The following ROBO1 variants were observed in gnomAD, a reference collection of about 807,000 sequenced individuals.
The protein encoded by ROBO1 is roundabout homolog 1.
Under a neutral mutation model 195.9 loss-of-function variants are expected in ROBO1, and 149 were observed. The ratio of observed to expected loss-of-function variants is 0.76; its 90% CI spans 0.67 to 0.87. The LOEUF (loss-of-function observed/expected upper bound fraction) is 0.87, where lower values mean the gene tolerates loss of function less well. Among genes scored for constraint, ROBO1 ranks in the 40% least tolerant of loss-of-function variants. ROBO1 has a pLI of 0.00. For synonymous variants in ROBO1, 816 were observed against 733.2 expected (o/e 1.11, Z -1.82); for missense variants, 1,933 against 2,068.3 (o/e 0.93, Z 1.27).
At chr3:79,125,344 G>T (rs780913116) in intron 3 of ROBO1, 112 bp downstream of exon 3, 1 of 826,904 alleles carries the variant, frequency 1.2e-6, no homozygotes, top group Non-Finnish European at 2.0e-6. Context: ...AGAAATTGTG[G>T]TTGTTAGCTG....
chr3:78,661,055 G>C lies in ROBO1; in HGVS notation c.2295C>G (p.Ile765Met), dbSNP rs756411742. Residue 765 changes from isoleucine to methionine, a missense_variant, in exon 16 of 31, where the codon ATC becomes ATG. Transcript: ENST00000464233. ...FNEFQGADSE[I>M]KFAKTLEEAP... ...CTTCTTCCAGGGTTTTGGCAAACTT[G>C]ATTTCACTATCTGCTCCTTGAAATT... 6.2e-7 allele frequency: 1 copy of C among 1,612,516 alleles called. No individual in the cohort carries two copies. Among genetic ancestry groups the C allele is most frequent in the South Asian group, 1.1e-5 (1 of 90,808 alleles).
chr3:79,137,690 C>G (rs2080438563), intron 2 of ROBO1, among the ~76,000 whole-genome samples: 1 of 152,010 alleles, frequency 6.6e-6, no homozygotes, highest in African/African-American at 2.4e-5. Flanking sequence ...TCTCAGAGTA[C>G]TTTTGCTTCT....
intron 4 of ROBO1, among the ~76,000 whole-genome samples, chr3:78,769,821 T>G (rs1275730770): frequency 6.6e-6 from 1 of 152,114 alleles, no homozygotes; most frequent in Non-Finnish European, 1.5e-5. Context: ...ACTGTATCTT[T>G]CCTTCATACA....
intron 3 of ROBO1, among the ~76,000 whole-genome samples, chr3:78,993,260 T>A (rs527583681): frequency 6.6e-6 from 1 of 152,176 alleles, no homozygotes; most frequent in Non-Finnish European, 1.5e-5. Flanking sequence ...CAAGGGTGCA[T>A]GCACAAGCAC....
At chr3:79,562,520 C>T (rs937101841) in intron 2 of ROBO1, among the ~76,000 whole-genome samples, 7 of 151,920 alleles carry the variant, frequency 4.6e-5, no homozygotes, top group African/African-American at 1.7e-4. Flanking sequence ...GATAGTATGA[C>T]TTTATTGTAA....
rs200307860 is a variant in ROBO1, at chr3:79,078,451, TTGAG to T, written c.172+47001_172+47004del. Among the ~76,000 whole-genome samples the T allele has an allele frequency of 1.2e-3, 178 of 151,840 alleles. 3 individuals are homozygous for T. In the East Asian group the frequency reaches 0.027, roughly 23 times the overall value. On this transcript the variant is annotated intron_variant, in intron 3 of 30. Coordinates refer to ENST00000464233, the MANE Select transcript of ROBO1 (RefSeq NM_002941.4). ...CTGCACATTCTGGTGACTTCAGTGG[TTGAG>T]TATCAAAATATTCTTATTTCAGATG...
At chr3:78,887,372 T>C (rs1392220798) in intron 4 of ROBO1, among the ~76,000 whole-genome samples, 1 of 152,148 alleles carries the variant, frequency 6.6e-6, no homozygotes, top group Admixed American at 6.6e-5. Flanking sequence ...GCCCCTCCAA[T>C]GCTCTATAAA....
At chr3:79,517,758 C>T (rs1941014298) in intron 2 of ROBO1, among the ~76,000 whole-genome samples, 2 of 152,122 alleles carry the variant, frequency 1.3e-5, no homozygotes, top group African/African-American at 4.8e-5. Context: ...TGAATACTTG[C>T]TGTGTGGCAG....
At chr3:79,541,394 C>T (rs1156773144) in intron 2 of ROBO1, among the ~76,000 whole-genome samples, 1 of 152,030 alleles carries the variant, frequency 6.6e-6, no homozygotes, top group East Asian at 1.9e-4. Flanking sequence ...ATGCCCCCCT[C>T]CCAGCGGTGT....
At chr3:79,013,943 C>A (rs1039688479) in intron 3 of ROBO1, among the ~76,000 whole-genome samples, 2 of 151,968 alleles carry the variant, frequency 1.3e-5, no homozygotes, top group South Asian at 4.2e-4. Flanking sequence ...TAAGCAAAAG[C>A]GTTACCATAC....
chr3:79,510,598 A>G (rs1575943054), intron 2 of ROBO1, among the ~76,000 whole-genome samples: 2 of 147,912 alleles, frequency 1.4e-5, no homozygotes, highest in Middle Eastern at 3.5e-3. Flanking sequence ...ATTTTAAACT[A>G]CTTTATGATT....
rs747641869 is a variant in ROBO1, at chr3:78,661,254, T to A, written c.2096A>T (p.Gln699Leu). The change falls in exon 16 of 31, where the codon CAA becomes CTA. Residue 699 changes from glutamine to leucine, a missense_variant. By Grantham distance (113) the Gln-to-Leu change is moderately radical. Coordinates refer to ENST00000464233, the MANE Select transcript of ROBO1 (RefSeq NM_002941.4). ...SSIEVHWTVD[Q>L]QSQYIQGYKI... ...ATATCCTTGTATATACTGAGACTGTTGATCTACCTATTAAAAAGACAAGTA... is the reference window on the plus strand; with the variant it reads ...ATATCCTTGTATATACTGAGACTGTAGATCTACCTATTAAAAAGACAAGTA... 1.6e-5 allele frequency: 24 copies of A among 1,531,238 alleles called. No homozygotes were observed. The Admixed American group carries it at 4.3e-4, about 28-fold the overall frequency. The allele number at this position is 1,531,238 out of a possible 1,614,324, so 94.9% of individuals were successfully genotyped here.
chr3:79,145,326 A>G (rs1378313782), intron 2 of ROBO1, among the ~76,000 whole-genome samples: 1 of 151,524 alleles, frequency 6.6e-6, no homozygotes, highest in East Asian at 1.9e-4. Context: ...TCTGGAATCA[A>G]TGAGAGATGA....
intron 4 of ROBO1, among the ~76,000 whole-genome samples, chr3:78,915,676 T>C (rs182507337): frequency 6.6e-5 from 10 of 152,238 alleles, no homozygotes; most frequent in Admixed American, 5.2e-4. Context: ...CCTTCCTTCA[T>C]TTCTTTCTGT....
chr3:78,927,083 G>T (rs1306147898), intron 4 of ROBO1, among the ~76,000 whole-genome samples: 2 of 152,160 alleles, frequency 1.3e-5, no homozygotes, highest in Non-Finnish European at 2.9e-5. Context: ...AGGCCATTAA[G>T]AGTAACAGGA....
intron 1 of ROBO1, among the ~76,000 whole-genome samples, chr3:79,592,673 C>A (rs1376378805): frequency 6.6e-6 from 1 of 151,998 alleles, no homozygotes; most frequent in Non-Finnish European, 1.5e-5. Context: ...CCTTGCAGAG[C>A]CTCTCCCATT....
intron 2 of ROBO1, among the ~76,000 whole-genome samples, chr3:79,463,945 C>T (rs1162990578): frequency 6.6e-6 from 1 of 152,116 alleles, no homozygotes; most frequent in African/African-American, 2.4e-5. Flanking sequence ...ACATCCTTTC[C>T]CACTAGACCT....
Position 79,476,154 on chromosome 3 carries a change from A to G in ROBO1, c.88+113670T>C, listed in dbSNP as rs185044368. On this transcript the variant is annotated intron_variant, in intron 2 of 30. Coordinates refer to ENST00000464233, the MANE Select transcript of ROBO1 (RefSeq NM_002941.4). ...ATAAACATATGAAAAAATGCTCAACATCACTAACCATCAGGGAAGCACAAG... is the reference window on the plus strand; with the variant it reads ...ATAAACATATGAAAAAATGCTCAACGTCACTAACCATCAGGGAAGCACAAG... 3.2e-4 allele frequency among the ~76,000 whole-genome samples: 49 copies of G among 152,266 alleles called. No individual in the cohort carries two copies. In the East Asian group the frequency reaches 8.3e-3, roughly 26 times the overall value.
At chr3:79,714,515 T>C (rs1448158878) in intron 1 of ROBO1, among the ~76,000 whole-genome samples, 1 of 151,940 alleles carries the variant, frequency 6.6e-6, no homozygotes, top group Non-Finnish European at 1.5e-5. Flanking sequence ...ACCCAAAGGA[T>C]TATAAATCAT....
Sources: gnomAD v4.1 joint callset for allele counts (sites outside exome capture counted in the v4.1 genomes callset) on GRCh38, gnomAD v4.1.1 for gene constraint, MANE v1.5 for transcripts, NCBI Gene and HGNC (gene_info 2026-07-23, HGNC 2026-07-21) for gene names.